The following GMDS variants were observed in gnomAD, a reference collection of about 807,000 sequenced individuals.
GMDS encodes the protein GDP-mannose 4,6 dehydratase.
A neutral mutation model predicts 49.9 loss-of-function variants in GMDS; 20 were observed. The observed-to-expected ratio is 0.40, with a 90% CI of 0.28 to 0.58. The LOEUF (loss-of-function observed/expected upper bound fraction) is 0.58, where lower values mean the gene tolerates loss of function less well. Among genes scored for constraint, GMDS ranks in the 20% least tolerant of loss-of-function variants. GMDS has a pLI of 0.42. For missense variants in GMDS, 362 were observed against 481.4 expected (o/e 0.75, Z 2.32); for synonymous variants, 177 against 178.6 (o/e 0.99, Z 0.07).
chr6:1,653,721 A>T (rs369075510), intron 9 of GMDS, among the ~76,000 whole-genome samples: 8 of 152,216 alleles, frequency 5.3e-5, no homozygotes, highest in African/African-American at 1.9e-4. Context: ...TCTTCAACGA[A>T]TGGTACTGGA....
intron 4 of GMDS, among the ~76,000 whole-genome samples, chr6:2,042,011 T>A (rs1331321172): frequency 6.6e-6 from 1 of 152,190 alleles, no homozygotes. Flanking sequence ...GGAAAAGATA[T>A]CACTTAAAAT....
chr6:2,233,170 C>T (rs780389902), intron 1 of GMDS, among the ~76,000 whole-genome samples: 19 of 152,202 alleles, frequency 1.2e-4, no homozygotes, highest in South Asian at 4.1e-4. Flanking sequence ...TCTCTGGCCT[C>T]CCTCAGATTC....
chr6:2,113,560 C>T (rs757788748), intron 4 of GMDS, among the ~76,000 whole-genome samples: 1 of 151,900 alleles, frequency 6.6e-6, no homozygotes, highest in African/African-American at 2.4e-5. Context: ...TATTATTACC[C>T]CCGTTTCAAC....
chr6:2,173,010 C>T (rs763996940), intron 1 of GMDS, among the ~76,000 whole-genome samples: 10 of 152,204 alleles, frequency 6.6e-5, no homozygotes, highest in Middle Eastern at 3.4e-3. Context: ...ATAAACTGTA[C>T]ACAATGCCGT....
At chr6:1,938,622 G>C (rs1762660709) in intron 6 of GMDS, among the ~76,000 whole-genome samples, 1 of 151,828 alleles carries the variant, frequency 6.6e-6, no homozygotes, top group Non-Finnish European at 1.5e-5. Context: ...TGGTATTCTG[G>C]GGTTTCACTC....
In GMDS at chr6:1,898,115, GCCATCCTGGACACCTACCCTGGCCTCCC is replaced by G. The variant is rs1282579264; in HGVS notation, c.771+31960_771+31987del. On this transcript the variant is annotated intron_variant, in intron 7 of 10. Coordinates refer to ENST00000380815, the MANE Select transcript of GMDS (RefSeq NM_001500.4). Reference sequence around the variant, plus strand: ...CTGGACACCTATCCTGGCCTCCCTTGCCATCCTGGACACCTACCCTGGCCTCCCTTGCCATCCTGGACACCTACCCTGG... The same window carrying G: ...CTGGACACCTATCCTGGCCTCCCTTGTTGCCATCCTGGACACCTACCCTGG... 1.9e-3 allele frequency among the ~76,000 whole-genome samples: 258 copies of G among 136,036 alleles called. 1 individual carries two copies. The highest frequency in any genetic ancestry group is 6.6e-3 in the African/African-American group (238 of 36,110). The allele number at this position is 136,036 out of a possible 152,430, so 89.2% of individuals were successfully genotyped here. A position where few individuals can be genotyped will look rare whatever the true frequency, so the allele number is the denominator to read the frequency against.
chr6:1,719,571 T>C (rs1435087769), intron 9 of GMDS, among the ~76,000 whole-genome samples: 1 of 151,626 alleles, frequency 6.6e-6, no homozygotes, highest in Admixed American at 6.6e-5. Flanking sequence ...TGCTGTTATT[T>C]TGGAAGATAA....
At chr6:1,873,079 G>C (rs1758857387) in intron 7 of GMDS, among the ~76,000 whole-genome samples, 1 of 152,192 alleles carries the variant, frequency 6.6e-6, no homozygotes, top group Admixed American at 6.5e-5. Context: ...AGACAGTGAG[G>C]GACAGCCCAG....
At chr6:1,803,666 A>G (rs1226113787) in intron 7 of GMDS, among the ~76,000 whole-genome samples, 1 of 152,254 alleles carries the variant, frequency 6.6e-6, no homozygotes, top group Non-Finnish European at 1.5e-5. Context: ...CAGGCCAATA[A>G]TTAAAGAAAT....
chr6:1,843,728 A>G (rs1377700967), intron 7 of GMDS, among the ~76,000 whole-genome samples: 1 of 152,224 alleles, frequency 6.6e-6, no homozygotes, highest in Non-Finnish European at 1.5e-5. Context: ...AGATCGTGCC[A>G]CTGCAACTCC....
chr6:1,996,381 C>T (rs559191885), intron 4 of GMDS, among the ~76,000 whole-genome samples: 4 of 152,208 alleles, frequency 2.6e-5, no homozygotes, highest in Admixed American at 2.6e-4. Flanking sequence ...CTCTGCCCTG[C>T]CATTTCTCTT....
At chr6:2,233,082 G>C (rs1035799973) in intron 1 of GMDS, among the ~76,000 whole-genome samples, 31 of 152,224 alleles carry the variant, frequency 2.0e-4, no homozygotes, top group African/African-American at 7.5e-4. Flanking sequence ...TGGTAAAGAA[G>C]GTACGACCTC....
intron 4 of GMDS, among the ~76,000 whole-genome samples, chr6:2,083,788 T>C (rs1772851714): frequency 6.6e-6 from 1 of 152,214 alleles, no homozygotes; most frequent in South Asian, 2.1e-4. Flanking sequence ...TTATGGTATA[T>C]TTATCATTTG....
chr6:1,863,783 A>G (rs1758311050), intron 7 of GMDS, among the ~76,000 whole-genome samples: 1 of 152,226 alleles, frequency 6.6e-6, no homozygotes. Context: ...TGCAAAGCCA[A>G]TAAAAGCCAA....
At chr6:2,118,972 A>G (rs1227025037) in intron 2 of GMDS, among the ~76,000 whole-genome samples, 3 of 152,172 alleles carry the variant, frequency 2.0e-5, no homozygotes, top group Admixed American at 2.0e-4. Flanking sequence ...ATTTTAACAA[A>G]AAGTATATAT....
chr6:2,212,709 A>T (rs1416604258), intron 1 of GMDS, among the ~76,000 whole-genome samples: 1,729 of 66,564 alleles, frequency 0.026, 40 homozygotes, highest in African/African-American at 0.095. Flanking sequence ...TTAACTTGTA[A>T]AAAAAAAAAA....
chr6:2,222,439 C>T (rs1365877553), intron 1 of GMDS, among the ~76,000 whole-genome samples: 1 of 152,206 alleles, frequency 6.6e-6, no homozygotes, highest in African/African-American at 2.4e-5. Flanking sequence ...TGTCTCCATT[C>T]ATTCGGTGCC....
chr6:1,761,274 A>G (rs1217593281), intron 7 of GMDS, among the ~76,000 whole-genome samples: 6 of 152,372 alleles, frequency 3.9e-5, no homozygotes, highest in Non-Finnish European at 7.3e-5. Flanking sequence ...TGGAAAAACA[A>G]GTAGAAAAAG....
At position 1,726,891 on chromosome 6, in the gene GMDS, T is replaced by C. The variant is rs554990472; in HGVS notation, c.891-379A>G. Among the ~76,000 whole-genome samples, 4 of 151,976 alleles carry C rather than the reference T, an allele frequency of 2.6e-5. No individual in the cohort carries two copies. The South Asian group carries it at 8.3e-4, about 31-fold the overall frequency. On this transcript the variant is annotated intron_variant, in intron 8 of 10. Coordinates refer to ENST00000380815, the MANE Select transcript of GMDS (RefSeq NM_001500.4). ...TAATAAATTATTATAAATTAATTAATATAAATTAATGTCTTCTGTCTTCCC... is the reference window on the plus strand; with the variant it reads ...TAATAAATTATTATAAATTAATTAACATAAATTAATGTCTTCTGTCTTCCC...
Sources: gnomAD v4.1 joint callset for allele counts (sites outside exome capture counted in the v4.1 genomes callset) on GRCh38, gnomAD v4.1.1 for gene constraint, MANE v1.5 for transcripts, NCBI Gene and HGNC (gene_info 2026-07-23, HGNC 2026-07-21) for gene names.